The following S100A8 variants were observed in gnomAD, a reference collection of about 807,000 sequenced individuals.
The protein encoded by S100A8 is protein S100-A8.
A neutral mutation model predicts 4.2 loss-of-function variants in S100A8; 1 was observed. The ratio of observed to expected loss-of-function variants is 0.24; its 90% CI spans 0.08 to 1.12. S100A8 has a LOEUF of 1.12. S100A8 is among the 50% of genes most tolerant of loss of function. The pLI, the probability that S100A8 is intolerant of heterozygous loss-of-function variation, is 0.53. For synonymous variants in S100A8, 41 were observed against 44.7 expected (o/e 0.92, Z 0.33); for missense variants, 96 against 111.8 (o/e 0.86, Z 0.64).
chr1:153,418,361 G>A, the S100A8 span: 1 of 1,155,440 alleles, frequency 8.7e-7, no homozygotes, highest in Non-Finnish European at 1.2e-6. Context: ...TTTATTGCTT[G>A]GATCATATGT....
At chr1:153,412,982 C>T in the S100A8 span, among the ~76,000 whole-genome samples, 1 of 152,032 alleles carries the variant, frequency 6.6e-6, no homozygotes, top group Non-Finnish European at 1.5e-5. Flanking sequence ...CAGGGCCTGT[C>T]GTGAGGTTGG....
intron 1 of S100A8, 140 bp from the exon 2 acceptor site, chr1:153,390,697 G>A: frequency 9.6e-7 from 1 of 1,041,708 alleles, no homozygotes; most frequent in South Asian, 1.5e-5. Context: ...AGATGGCTAT[G>A]GCTCTGGTGG....
the S100A8 span, among the ~76,000 whole-genome samples, chr1:153,415,748 G>A: frequency 7.2e-5 from 11 of 151,770 alleles, no homozygotes; most frequent in Admixed American, 2.0e-4. Flanking sequence ...ACTCAACCTA[G>A]ATAGTGAGGC....
the S100A8 span, among the ~76,000 whole-genome samples, chr1:153,401,064 T>A: frequency 2.0e-5 from 3 of 152,222 alleles, no homozygotes; most frequent in Non-Finnish European, 4.4e-5. Flanking sequence ...GCCATGCCAA[T>A]ACCCAGTGAT....
At chr1:153,397,729 C>T in the S100A8 span, among the ~76,000 whole-genome samples, 5 of 152,256 alleles carry the variant, frequency 3.3e-5, no homozygotes, top group Non-Finnish European at 7.4e-5. Flanking sequence ...CCTCAGGGCC[C>T]ACCCCCACCA....
the S100A8 span, chr1:153,421,904 T>A: frequency 6.6e-6 from 1 of 152,258 alleles, no homozygotes; most frequent in Non-Finnish European, 1.5e-5. Flanking sequence ...TTGTCTAGGT[T>A]TTAGAAATCA....
chr1:153,420,706 ATTAG>A, the S100A8 span: 3 of 152,020 alleles, frequency 2.0e-5, no homozygotes, highest in African/African-American at 7.3e-5. Flanking sequence ...ATGTCTGACC[ATTAG>A]TTTTCTTCTC....
the S100A8 span, among the ~76,000 whole-genome samples, chr1:153,411,935 G>C: frequency 2.0e-5 from 3 of 152,174 alleles, no homozygotes; most frequent in Non-Finnish European, 4.4e-5. Context: ...CCCATATGTA[G>C]AAAGCTGAAA....
the S100A8 span, chr1:153,418,357 G>C: frequency 8.4e-7 from 1 of 1,184,586 alleles, no homozygotes; most frequent in Non-Finnish European, 1.2e-6. Context: ...GGGCTTTATT[G>C]CTTGGATCAT....
At chr1:153,418,265 C>T in the S100A8 span, 1 of 1,604,476 alleles carries the variant, frequency 6.2e-7, no homozygotes, top group Non-Finnish European at 8.5e-7. Context: ...TGGACCCTGG[C>T]ATGGCTGAGG....
At chr1:153,410,501 CA>C in the S100A8 span, among the ~76,000 whole-genome samples, 4 of 151,874 alleles carry the variant, frequency 2.6e-5, no homozygotes, top group African/African-American at 7.3e-5. Context: ...GCCTACCAAC[CA>C]AAAAAAGTCC....
chr1:153,397,755 T>G, the S100A8 span, among the ~76,000 whole-genome samples: 1 of 152,166 alleles, frequency 6.6e-6, no homozygotes, highest in Non-Finnish European at 1.5e-5. Flanking sequence ...TCCTGTGATC[T>G]TAACTGTTCC....
chr1:153,408,719 G>T, the S100A8 span, among the ~76,000 whole-genome samples: 1 of 152,192 alleles, frequency 6.6e-6, no homozygotes, highest in African/African-American at 2.4e-5. Flanking sequence ...CTTAAGGGCA[G>T]CCAGAGAGAA....
At chr1:153,394,128 G>A (rs551014929), upstream of S100A8, among the ~76,000 whole-genome samples, 49 of 152,334 alleles carry the variant, frequency 3.2e-4, no homozygotes, top group African/African-American at 1.2e-3. Context: ...AACCTAGAGG[G>A]AGCGGAACCT....
upstream of S100A8, among the ~76,000 whole-genome samples, chr1:153,391,718 A>C (rs891924100): frequency 6.6e-6 from 1 of 152,172 alleles, no homozygotes; most frequent in East Asian, 1.9e-4. Context: ...CTGTTCTGTG[A>C]AGCTGGGGAT....
chr1:153,404,693 C>A, the S100A8 span, among the ~76,000 whole-genome samples: 1 of 152,198 alleles, frequency 6.6e-6, no homozygotes, highest in Non-Finnish European at 1.5e-5. Context: ...CCCCAATATA[C>A]TATTTTATGC....
chr1:153,404,842 A>G, the S100A8 span, among the ~76,000 whole-genome samples: 1 of 151,892 alleles, frequency 6.6e-6, no homozygotes, highest in Admixed American at 6.6e-5. Context: ...CTCACAACCT[A>G]CAGAAGGGCG....
At chr1:153,408,435 T>TA in the S100A8 span, among the ~76,000 whole-genome samples, 1 of 151,396 alleles carries the variant, frequency 6.6e-6, no homozygotes, top group East Asian at 1.9e-4. Context: ...GAAAAAAGAG[T>TA]AAAAAGAAAT....
Position 153,390,556 on chromosome 1 carries a change from A to C in S100A8, c.-21T>G. On this transcript the variant is annotated splice_region_variant and 5_prime_UTR_variant, in exon 2 of 3. Coordinates refer to ENST00000368733, the MANE Select transcript of S100A8 (RefSeq NM_002964.5). ...AACATGATGCCCACGGACTTGCCCC[A>C]CCTGAAAAACAGAACCTTCTGGGGA... is the stretch of plus-strand genomic sequence containing the variant. The C allele has an allele frequency of 6.2e-7, 1 of 1,613,880 alleles. No individual in the cohort carries two copies. The highest frequency in any genetic ancestry group is 8.5e-7 in the Non-Finnish European group (1 of 1,179,854).
Sources: gnomAD v4.1 joint callset for allele counts (sites outside exome capture counted in the v4.1 genomes callset) on GRCh38, gnomAD v4.1.1 for gene constraint, MANE v1.5 for transcripts, NCBI Gene and HGNC (gene_info 2026-07-23, HGNC 2026-07-21) for gene names.